The following HOMER2 variants were observed in gnomAD, a reference collection of about 807,000 sequenced individuals.
The protein encoded by HOMER2 is homer scaffold protein 2.
HOMER2 carries 27 observed loss-of-function variants against 47.0 expected under a neutral mutation model. The observed-to-expected ratio is 0.57, with a 90% CI of 0.42 to 0.79. HOMER2 has a LOEUF of 0.79. Ranked by LOEUF, HOMER2 falls within the 30% of genes least tolerant of loss-of-function variation. HOMER2 has a pLI of 0.00. For missense variants in HOMER2, 443 were observed against 435.0 expected, an observed-to-expected ratio of 1.02 and a Z score of -0.16; for synonymous variants, 161 against 163.8, an observed-to-expected ratio of 0.98 and a Z score of 0.13.
At chr15:82,984,571 C>A (rs956975059) in intron 1 of HOMER2, among the ~76,000 whole-genome samples, 1 of 152,200 alleles carries the variant, frequency 6.6e-6, no homozygotes, top group Non-Finnish European at 1.5e-5. Flanking sequence ...GTAATCCCAG[C>A]CCTTTGGGAG....
At chr15:82,920,541 T>C (rs1254901328) in intron 1 of HOMER2, among the ~76,000 whole-genome samples, 3 of 152,328 alleles carry the variant, frequency 2.0e-5, no homozygotes, top group Non-Finnish European at 4.4e-5. Flanking sequence ...CTGCGTTCCT[T>C]GGCTCATGGC....
At chr15:82,878,728 A>G (rs548828209) in intron 2 of HOMER2, among the ~76,000 whole-genome samples, 2 of 152,296 alleles carry the variant, frequency 1.3e-5, no homozygotes, top group East Asian at 3.9e-4. Flanking sequence ...CCTGGGCTAA[A>G]GTGATCCTCC....
In HOMER2 at chr15:82,965,180, C is replaced by T. The variant is rs138198716; in HGVS notation, n.83-5872G>A. Among the ~76,000 whole-genome samples the T allele has an allele frequency of 2.0e-3, 299 of 152,180 alleles. 1 individual carries two copies. The East Asian group carries it at 0.024, about 12-fold the overall frequency. On this transcript the variant is annotated intron_variant and non_coding_transcript_variant, in intron 1 of 1. Coordinates refer to the HOMER2 transcript ENST00000500334. ...GACTACAGGCACACACCACTACACC[C>T]GCTAACTTTTGTATTTTTTGTAGAG... is the stretch of plus-strand genomic sequence containing the variant.
At chr15:82,904,960 G>A (rs1567045030) in intron 1 of HOMER2, among the ~76,000 whole-genome samples, 1 of 152,140 alleles carries the variant, frequency 6.6e-6, no homozygotes, top group African/African-American at 2.4e-5. Context: ...TAATATGGCA[G>A]GCATGTTGGA....
At chr15:82,962,693 G>A (rs2054641981) in intron 1 of HOMER2, among the ~76,000 whole-genome samples, 1 of 152,228 alleles carries the variant, frequency 6.6e-6, no homozygotes, top group South Asian at 2.1e-4. Context: ...AAAAGTCCGG[G>A]AAGTGGGGAC....
chr15:82,889,499 G>GC (rs147897587), intron 2 of HOMER2, among the ~76,000 whole-genome samples: 381 of 152,334 alleles, frequency 2.5e-3, no homozygotes, highest in Non-Finnish European at 4.3e-3. Flanking sequence ...ACAGACAAGA[G>GC]CCCATAAGGA....
At chr15:82,917,763 G>A (rs2053628080) in intron 1 of HOMER2, among the ~76,000 whole-genome samples, 1 of 152,154 alleles carries the variant, frequency 6.6e-6, no homozygotes, top group Non-Finnish European at 1.5e-5. Context: ...TATGCTGCAG[G>A]CCTATGCACA....
Position 82,936,183 on chromosome 15 carries a change from C to T in HOMER2, c.5+16348G>A, listed in dbSNP as rs116397866. 2.3e-3 allele frequency among the ~76,000 whole-genome samples: 351 copies of T among 152,324 alleles called. 6 individuals are homozygous for T. The highest frequency in any genetic ancestry group is 7.0e-3 in the African/African-American group (291 of 41,576). ...CACCTGCTCTTTCCTCCACCTAGAA[C>T]GCTCTGCTCCCTTTCTGCACATGCG... On this transcript the variant is annotated intron_variant, in intron 1 of 8. Coordinates refer to ENST00000450735, the MANE Select transcript of HOMER2 (RefSeq NM_004839.4).
At position 82,969,433 on chromosome 15, in the gene HOMER2, G is replaced by A. The variant is rs192307133; in HGVS notation, n.83-10125C>T. ...ATAAAGGGCGGATGCGGGGATCTAC[G>A]ATTCTTATGGCTGCCTAGACATCAC... On this transcript the variant is annotated intron_variant and non_coding_transcript_variant, in intron 1 of 1. Transcript: ENST00000500334. 1.8e-4 allele frequency among the ~76,000 whole-genome samples: 28 copies of A among 152,288 alleles called. No homozygotes were observed. The East Asian group carries it at 4.4e-3, about 24-fold the overall frequency.
chr15:82,953,324 C>T (rs2054546203), upstream of HOMER2, among the ~76,000 whole-genome samples: 1 of 152,092 alleles, frequency 6.6e-6, no homozygotes, highest in South Asian at 2.1e-4. Context: ...ATGAGGGCTC[C>T]CACTTGAAGG....
intron 4 of HOMER2, 107 bp from the exon 5 acceptor site, chr15:82,859,242 CTT>C (rs2051693358): frequency 1.9e-6 from 3 of 1,552,940 alleles, no homozygotes; most frequent in East Asian, 4.6e-5. Context: ...TAATAAGAAA[CTT>C]TACGAGTGTG....
rs561764056 is a variant in HOMER2, at chr15:82,907,408, GGAAA to G, written c.6-14571_6-14568del. Among the ~76,000 whole-genome samples the G allele has an allele frequency of 2.2e-3, 288 of 133,312 alleles. 2 individuals are homozygous for G. The South Asian group carries it at 0.047, about 22-fold the overall frequency. 87.5% of individuals were successfully genotyped at this position (133,312 alleles called of 152,430 possible). A position where few individuals can be genotyped will look rare whatever the true frequency, so the allele number is the denominator to read the frequency against. On this transcript the variant is annotated intron_variant, in intron 1 of 8. Transcript: ENST00000450735. Reference sequence around the variant, plus strand: ...AAGAGGAAAGGAAAGAGAAAGAGAAGGAAAGAAAGAAAGAAAGAGAAGGAAAGAA... The same window carrying G: ...AAGAGGAAAGGAAAGAGAAAGAGAAGGAAAGAAAGAAAGAGAAGGAAAGAA...
chr15:82,976,383 C>T (rs888629512), intron 1 of HOMER2, among the ~76,000 whole-genome samples: 32 of 151,752 alleles, frequency 2.1e-4, no homozygotes, highest in African/African-American at 7.5e-4. Context: ...TTGCAACCTC[C>T]GCACCCCGGG....
intron 1 of HOMER2, among the ~76,000 whole-genome samples, chr15:82,962,660 G>A (rs1411553971): frequency 6.6e-6 from 1 of 152,230 alleles, no homozygotes; most frequent in East Asian, 1.9e-4. Flanking sequence ...CTGGGCAACA[G>A]AGTGAGACTC....
downstream of HOMER2, chr15:82,844,614 A>G (rs2051214447): frequency 2.0e-5 from 3 of 152,228 alleles, no homozygotes; most frequent in Admixed American, 6.5e-5. Flanking sequence ...AGATAGTGTA[A>G]TAACAGGTGA....
chr15:82,846,482 G>T (rs997912542), downstream of HOMER2: 2 of 152,172 alleles, frequency 1.3e-5, no homozygotes, highest in African/African-American at 4.8e-5. Context: ...CAGGATATAA[G>T]AATTATTTTC....
chr15:82,880,794 GAAGAA>G (rs1188821710), intron 2 of HOMER2, among the ~76,000 whole-genome samples: 1 of 152,152 alleles, frequency 6.6e-6, no homozygotes, highest in Non-Finnish European at 1.5e-5. Context: ...TCATCTGGTG[GAAGAA>G]AAGAAGAGAG....
At chr15:82,922,490 C>T (rs1596356909) in intron 1 of HOMER2, among the ~76,000 whole-genome samples, 1 of 152,234 alleles carries the variant, frequency 6.6e-6, no homozygotes, top group East Asian at 1.9e-4. Flanking sequence ...TGAAGGAGCA[C>T]AAAAATAGTT....
chr15:82,972,063 A>G (rs2151258065), intron 1 of HOMER2, among the ~76,000 whole-genome samples: 1 of 152,288 alleles, frequency 6.6e-6, no homozygotes. Context: ...TTTACCTACC[A>G]TAAAATTCAC....
Sources: gnomAD v4.1 joint callset for allele counts (sites outside exome capture counted in the v4.1 genomes callset) on GRCh38, gnomAD v4.1.1 for gene constraint, MANE v1.5 for transcripts, NCBI Gene and HGNC (gene_info 2026-07-23, HGNC 2026-07-21) for gene names.